GEMIN8: variants seen among roughly 807,000 people sequenced by gnomAD.
GEMIN8 encodes gem nuclear organelle associated protein 8.
For missense variants in GEMIN8, 185 were observed against 205.9 expected (o/e 0.90, Z 0.62); for synonymous variants, 80 against 78.5 (o/e 1.02, Z -0.10).
the GEMIN8 span, among the ~76,000 whole-genome samples, chrX:13,999,134 A>G: frequency 2.2e-4 from 25 of 111,859 alleles, no homozygotes; most frequent in Non-Finnish European, 3.6e-4. Context: ...AAAGTTATAC[A>G]GACAGTGCAG....
downstream of GEMIN8, among the ~76,000 whole-genome samples, chrX:14,005,546 C>A (rs780516654): frequency 2.7e-5 from 3 of 111,906 alleles, no homozygotes; most frequent in South Asian, 3.8e-4. Flanking sequence ...TTGTACTATC[C>A]TTTAGTAAGC....
chrX:14,026,337 G>C, intron 1 of GEMIN8, 116 bp from the exon 2 acceptor site: 1 of 745,703 alleles, frequency 1.3e-6, no homozygotes, highest in African/African-American at 2.3e-5. Context: ...CTGAGCCCAG[G>C]CGAGTACAGA....
In GEMIN8 at chrX:14,007,614, G is replaced by A. The variant is rs544451261; in HGVS notation, c.*1299C>T. Among the ~76,000 whole-genome samples, 77 of 109,039 alleles carry A rather than the reference G, an allele frequency of 7.1e-4. 1 individual carries two copies. In the South Asian group the frequency reaches 0.027, roughly 38 times the overall value. 94.7% of individuals were successfully genotyped at this position (109,039 alleles called of 115,157 possible). ...TGGAGCTCGGCTCACTGCAAGCTCC[G>A]CCTCCTGGGTTCACGCCATTCTCCT... On this transcript the variant is annotated 3_prime_UTR_variant, in exon 5 of 5. Transcript: ENST00000680255.
intron 4 of GEMIN8, among the ~76,000 whole-genome samples, chrX:14,010,692 G>A (rs960502485): frequency 7.1e-5 from 8 of 112,042 alleles, no homozygotes; most frequent in Admixed American, 5.7e-4. Flanking sequence ...GGCCATTGCT[G>A]TCTTGGAACA....
intron 1 of GEMIN8, among the ~76,000 whole-genome samples, chrX:14,027,841 C>A (rs1047177040): frequency 1.8e-5 from 2 of 112,071 alleles, no homozygotes; most frequent in African/African-American, 6.5e-5. Context: ...AGGAACACAA[C>A]AAGCAATGGG....
intron 4 of GEMIN8, among the ~76,000 whole-genome samples, chrX:14,016,212 C>T (rs1923889239): frequency 8.9e-6 from 1 of 112,106 alleles, no homozygotes; most frequent in South Asian, 3.7e-4. Flanking sequence ...TCAGGGAAGG[C>T]TGTAGGAGCA....
At chrX:14,029,224 A>G (rs775752987) in intron 1 of GEMIN8, among the ~76,000 whole-genome samples, 21 of 112,234 alleles carry the variant, frequency 1.9e-4, no homozygotes, top group Admixed American at 9.4e-5. Context: ...GATAACTCCC[A>G]CCAAAAGCTG....
chrX:14,020,483 T>G lies in GEMIN8; in HGVS notation c.67A>C (p.Arg23=), dbSNP rs748405848. ...RPWYSHPVYA[R]YWQHYHQAMA... is the part of the protein sequence containing the mutation. ...GCTTGATGATAATGTTGCCAGTATCTTGCATATACCGGATGAGAATACCAA... is the reference window on the plus strand; with the variant it reads ...GCTTGATGATAATGTTGCCAGTATCGTGCATATACCGGATGAGAATACCAA... The change falls in exon 4 of 5, where the codon AGA becomes CGA. Residue 23 remains arginine, a synonymous_variant. Coordinates refer to ENST00000680255, the MANE Select transcript of GEMIN8 (RefSeq NM_001042479.2). 8.3e-7 allele frequency: 1 copy of G among 1,206,570 alleles called. No homozygotes were observed. Among genetic ancestry groups the G allele is most frequent in the East Asian group, 3.0e-5 (1 of 33,818 alleles).
At position 14,020,331 on chromosome X, in the gene GEMIN8, A is replaced by G; in HGVS notation, c.219T>C (p.Pro73=). 8.3e-7 allele frequency: 1 copy of G among 1,208,471 alleles called. No individual in the cohort carries two copies. The highest frequency in any genetic ancestry group is 1.1e-6 in the Non-Finnish European group (1 of 892,317). ...CCACATGATGGTCATAGAAGGACTGAGGATACGCAGCCTCATTATCGTAAG... is the reference window on the plus strand; with the variant it reads ...CCACATGATGGTCATAGAAGGACTGGGGATACGCAGCCTCATTATCGTAAG... The part of the protein sequence containing the change: ...QSSYDNEAAY[P]QSFYDHHVAW... Residue 73 remains proline, a synonymous_variant, in exon 4 of 5, where the codon CCT becomes CCC. Transcript: ENST00000680255.
At chrX:14,006,204 T>G (rs747153007), downstream of GEMIN8, among the ~76,000 whole-genome samples, 2 of 111,013 alleles carry the variant, frequency 1.8e-5, no homozygotes, top group Admixed American at 1.9e-4. Context: ...TATTTTTGTA[T>G]TTTTAGTAAA....
At chrX:14,014,669 T>C (rs762304137) in intron 4 of GEMIN8, 50 of 222,994 alleles carry the variant, frequency 2.2e-4, no homozygotes, top group Non-Finnish European at 3.0e-4. Flanking sequence ...TCTCTCTAGG[T>C]TTGACTGACT....
chrX:14,013,915 C>G, intron 4 of GEMIN8: 2 of 716,149 alleles, frequency 2.8e-6, no homozygotes, highest in Non-Finnish European at 3.3e-6. Flanking sequence ...TAAGGAAAAG[C>G]TTTACTGGAT....
chrX:14,010,704 C>T (rs1923475869), intron 4 of GEMIN8, among the ~76,000 whole-genome samples: 1 of 111,801 alleles, frequency 8.9e-6, no homozygotes, highest in Non-Finnish European at 1.9e-5. Flanking sequence ...CTTGGAACAT[C>T]CACAGTTTAT....
the GEMIN8 span, among the ~76,000 whole-genome samples, chrX:13,989,203 C>T: frequency 1.8e-5 from 2 of 111,162 alleles, no homozygotes; most frequent in African/African-American, 6.5e-5. Flanking sequence ...ATGCTCCCGC[C>T]TCAGCCTCCT....
In GEMIN8 at chrX:14,026,424, C is replaced by A. The variant is rs16979387; in HGVS notation, c.-115-203G>T. On this transcript the variant is annotated intron_variant, in intron 1 of 4. Coordinates refer to ENST00000680255, the MANE Select transcript of GEMIN8 (RefSeq NM_001042479.2). ...GTTGAGGTCATTCACTAAACACTGA[C>A]GAGGCCTATAGGCAAGGCAGAGACT... 0.017 allele frequency: 12,450 copies of A among 743,940 alleles called. 144 individuals carry two copies. The highest frequency in any genetic ancestry group is 0.08 in the African/African-American group (3,445 of 43,115). The allele number at this position is 743,940 out of a possible 1,213,427, so 61.3% of individuals were successfully genotyped here. A position where few individuals can be genotyped will look rare whatever the true frequency, so the allele number is the denominator to read the frequency against.
chrX:13,985,688 T>C, the GEMIN8 span, among the ~76,000 whole-genome samples: 1 of 111,742 alleles, frequency 8.9e-6, no homozygotes, highest in Non-Finnish European at 1.9e-5. Context: ...CACACAACTC[T>C]TTTTCTGGAA....
At position 14,011,516 on chromosome X, in the gene GEMIN8, C is replaced by CTTTTTTT. The variant is rs575651297; in HGVS notation, c.473-2354_473-2348dup. ...TACCCATTACCAATCCTATGGCTCT[C>CTTTTTTT]TTTTTTTTTTTTTTTTTTTTTTTTT... On this transcript the variant is annotated intron_variant, in intron 4 of 4. Transcript: ENST00000680255. Among the ~76,000 whole-genome samples the CTTTTTTT allele has an allele frequency of 3.4e-3, 205 of 60,375 alleles. 17 individuals are homozygous for CTTTTTTT. Among genetic ancestry groups the CTTTTTTT allele is most frequent in the African/African-American group, 0.011 (152 of 14,410 alleles). The allele number at this position is 60,375 out of a possible 115,157, so 52.4% of individuals were successfully genotyped here.
chrX:13,986,069 A>G, the GEMIN8 span, among the ~76,000 whole-genome samples: 1 of 112,378 alleles, frequency 8.9e-6, no homozygotes, highest in Non-Finnish European at 1.9e-5. Context: ...TAAAAAACAA[A>G]CAAACAAACA....
At chrX:14,001,305 A>C in the GEMIN8 span, among the ~76,000 whole-genome samples, 84 of 112,292 alleles carry the variant, frequency 7.5e-4, no homozygotes, top group Middle Eastern at 4.6e-3. Context: ...ATAAAAACTA[A>C]ACGAACAAAG....
Sources: allele counts gnomAD v4.1 joint callset (sites outside exome capture counted in the v4.1 genomes callset), GRCh38; gene constraint gnomAD v4.1.1; transcripts MANE v1.5; gene names NCBI Gene and HGNC (gene_info 2026-07-23, HGNC 2026-07-21).